ANO10: variants seen among roughly 807,000 people sequenced by gnomAD.
The protein encoded by ANO10 is anoctamin-10.
In ANO10, 77 loss-of-function variants were observed where a neutral mutation model predicts 74.7. That is an observed-to-expected ratio of 1.03 (90% confidence interval 0.86 to 1.25). The LOEUF (loss-of-function observed/expected upper bound fraction) is 1.25. Ranked by LOEUF, ANO10 falls within the 50% of genes most tolerant of loss-of-function variation. The pLI, the probability that ANO10 is intolerant of heterozygous loss-of-function variation, is 0.00. For synonymous variants in ANO10, 279 were observed against 284.9 expected (o/e 0.98, Z 0.21); for missense variants, 721 against 778.1 (o/e 0.93, Z 0.87).
intron 11 of ANO10, among the ~76,000 whole-genome samples, chr3:43,482,543 C>G (rs1575219017): frequency 6.6e-6 from 1 of 152,070 alleles, no homozygotes; most frequent in South Asian, 2.1e-4. Context: ...GTTATGCCCC[C>G]CAAAACACCA....
chr3:43,375,238 G>A (rs1012297260), intron 12 of ANO10, among the ~76,000 whole-genome samples: 13 of 151,998 alleles, frequency 8.6e-5, no homozygotes, highest in African/African-American at 3.1e-4. Flanking sequence ...CTGAGGTCAG[G>A]AGTTTGAGAC....
chr3:43,473,087 C>T (rs993654371), intron 11 of ANO10, among the ~76,000 whole-genome samples: 14 of 152,120 alleles, frequency 9.2e-5, no homozygotes, highest in African/African-American at 3.1e-4. Context: ...AGAAATCATT[C>T]ACAAAACTAA....
intron 11 of ANO10, among the ~76,000 whole-genome samples, chr3:43,513,774 T>C (rs1304387031): frequency 2.6e-5 from 4 of 152,124 alleles, no homozygotes; most frequent in Non-Finnish European, 5.9e-5. Context: ...CCTCCCAAAG[T>C]GCTGGGATTA....
At chr3:43,578,936 G>T (rs1022619949) in intron 5 of ANO10, among the ~76,000 whole-genome samples, 2 of 151,984 alleles carry the variant, frequency 1.3e-5, no homozygotes, top group Non-Finnish European at 2.9e-5. Context: ...TCCTTTCAGA[G>T]AATATAAACA....
At chr3:43,627,727 T>C (rs887059755) in intron 1 of ANO10, among the ~76,000 whole-genome samples, 1 of 152,222 alleles carries the variant, frequency 6.6e-6, no homozygotes, top group African/African-American at 2.4e-5. Flanking sequence ...TTATAGAGTT[T>C]ATTTCTAGGC....
At chr3:43,619,108 T>C (rs1286841585) in intron 1 of ANO10, among the ~76,000 whole-genome samples, 1 of 152,164 alleles carries the variant, frequency 6.6e-6, no homozygotes, top group African/African-American at 2.4e-5. Flanking sequence ...CCAGCTATGG[T>C]TATACATCTT....
At chr3:43,384,758 C>A (rs2092068406) in intron 12 of ANO10, among the ~76,000 whole-genome samples, 1 of 152,160 alleles carries the variant, frequency 6.6e-6, no homozygotes, top group Non-Finnish European at 1.5e-5. Flanking sequence ...TCACTTTATA[C>A]AAAAATCAAC....
intron 12 of ANO10, among the ~76,000 whole-genome samples, chr3:43,399,882 G>T (rs1399061318): frequency 1.3e-5 from 2 of 152,022 alleles, no homozygotes; most frequent in African/African-American, 4.8e-5. Flanking sequence ...TAGTTCCAAA[G>T]CTCCTTCCCT....
chr3:43,516,048 T>G (rs1449597141), intron 11 of ANO10, among the ~76,000 whole-genome samples: 2 of 152,162 alleles, frequency 1.3e-5, no homozygotes, highest in South Asian at 2.1e-4. Context: ...ATCACGACCT[T>G]ACATTAGCAA....
At chr3:43,417,300 A>G (rs1335646823) in intron 12 of ANO10, among the ~76,000 whole-genome samples, 1 of 152,174 alleles carries the variant, frequency 6.6e-6, no homozygotes, top group East Asian at 1.9e-4. Context: ...TGTAGTAAGA[A>G]GGAGACAAGA....
At chr3:43,524,010 A>G (rs2078076271) in intron 11 of ANO10, among the ~76,000 whole-genome samples, 1 of 152,136 alleles carries the variant, frequency 6.6e-6, no homozygotes, top group African/African-American at 2.4e-5. Flanking sequence ...AGTGGAAGCC[A>G]TGGGGTAGAT....
At chr3:43,453,071 G>T (rs1038299675) in intron 11 of ANO10, among the ~76,000 whole-genome samples, 2 of 151,896 alleles carry the variant, frequency 1.3e-5, no homozygotes, top group African/African-American at 4.8e-5. Context: ...CTAGATACAA[G>T]TTCCTTCTCA....
chr3:43,489,700 C>T (rs1347740016), intron 11 of ANO10, among the ~76,000 whole-genome samples: 1 of 151,982 alleles, frequency 6.6e-6, no homozygotes, highest in Non-Finnish European at 1.5e-5. Context: ...ACATATAGTT[C>T]AATTAACTGG....
intron 4 of ANO10, among the ~76,000 whole-genome samples, chr3:43,580,828 T>C (rs1022337011): frequency 1.3e-5 from 2 of 152,040 alleles, no homozygotes; most frequent in African/African-American, 2.4e-5. Flanking sequence ...AGAACAAAAA[T>C]AAAATCATTT....
intron 11 of ANO10, among the ~76,000 whole-genome samples, chr3:43,467,322 G>A (rs1038667013): frequency 5.9e-5 from 9 of 152,104 alleles, no homozygotes; most frequent in Non-Finnish European, 8.8e-5. Context: ...CATTCATAAC[G>A]GTAAAAATAT....
chr3:43,495,981 A>G (rs776430870), intron 11 of ANO10, among the ~76,000 whole-genome samples: 2 of 152,096 alleles, frequency 1.3e-5, no homozygotes, highest in Non-Finnish European at 2.9e-5. Flanking sequence ...GATTACAGGC[A>G]TGAGCCACCA....
At chr3:43,542,657 G>C (rs1318959440) in intron 11 of ANO10, among the ~76,000 whole-genome samples, 1 of 152,150 alleles carries the variant, frequency 6.6e-6, no homozygotes, top group Non-Finnish European at 1.5e-5. Flanking sequence ...AAGATTAAAA[G>C]GAAATGCTGG....
At chr3:43,580,888 T>C (rs2081235727) in intron 4 of ANO10, among the ~76,000 whole-genome samples, 1 of 152,196 alleles carries the variant, frequency 6.6e-6, no homozygotes, top group Non-Finnish European at 1.5e-5. Context: ...TAGTATACAG[T>C]GAATATTTTT....
intron 11 of ANO10, among the ~76,000 whole-genome samples, chr3:43,453,551 A>G (rs1416327163): frequency 6.6e-6 from 1 of 152,196 alleles, no homozygotes; most frequent in Non-Finnish European, 1.5e-5. Context: ...CAAAATCACA[A>G]AGATTTACAT....
Sources: allele counts gnomAD v4.1 joint callset (sites outside exome capture counted in the v4.1 genomes callset), GRCh38; gene constraint gnomAD v4.1.1; transcripts MANE v1.5; gene names NCBI Gene and HGNC (gene_info 2026-07-23, HGNC 2026-07-21).